The following TPD52L1 variants were observed in gnomAD, a reference collection of about 807,000 sequenced individuals.
TPD52L1 encodes tumor protein D53.
Under a neutral mutation model 28.7 loss-of-function variants are expected in TPD52L1, and 18 were observed. The observed-to-expected ratio is 0.63, with a 90% CI of 0.43 to 0.93. The LOEUF (loss-of-function observed/expected upper bound fraction) is 0.93. Among genes scored for constraint, TPD52L1 ranks in the 40% least tolerant of loss-of-function variants. The pLI is 0.00. For synonymous variants in TPD52L1, 75 were observed against 88.8 expected (o/e 0.84, Z 0.88); for missense variants, 203 against 254.8 (o/e 0.80, Z 1.39).
At chr6:125,181,546 C>T (rs147291684) in intron 1 of TPD52L1, among the ~76,000 whole-genome samples, 161 of 152,322 alleles carry the variant, frequency 1.1e-3, no homozygotes, top group African/African-American at 3.5e-3. Flanking sequence ...ATAAAGAATG[C>T]ATGTGTTTTA....
At chr6:125,256,899 A>G (rs1179104479) in intron 5 of TPD52L1, among the ~76,000 whole-genome samples, 199 bp from the exon 6 acceptor site, 1 of 152,258 alleles carries the variant, frequency 6.6e-6, no homozygotes, top group Non-Finnish European at 1.5e-5. Context: ...ACCTAGAAAA[A>G]TTCCATGTCA....
At chr6:125,169,029 G>A (rs115148317) in intron 1 of TPD52L1, among the ~76,000 whole-genome samples, 2,065 of 151,924 alleles carry the variant, frequency 0.014, 50 homozygotes, top group African/African-American at 0.046. Context: ...CTCTACCCCT[G>A]CTTTCCACCT....
At chr6:125,230,864 G>A (rs1795908160) in intron 3 of TPD52L1, among the ~76,000 whole-genome samples, 1 of 152,110 alleles carries the variant, frequency 6.6e-6, no homozygotes, top group African/African-American at 2.4e-5. Context: ...ATCTCCAGAA[G>A]TTAACCAACA....
At chr6:125,182,191 C>T (rs1468082438) in intron 1 of TPD52L1, among the ~76,000 whole-genome samples, 1 of 152,186 alleles carries the variant, frequency 6.6e-6, no homozygotes, top group Non-Finnish European at 1.5e-5. Context: ...TATTACTTGG[C>T]TGGGCATCAT....
intron 1 of TPD52L1, among the ~76,000 whole-genome samples, chr6:125,167,419 C>G (rs1042786030): frequency 9.2e-5 from 14 of 152,120 alleles, no homozygotes; most frequent in African/African-American, 3.1e-4. Flanking sequence ...TACTGTGTAT[C>G]TGGTGTGGCT....
intron 1 of TPD52L1, among the ~76,000 whole-genome samples, chr6:125,191,969 T>C (rs1413070503): frequency 6.6e-6 from 1 of 152,174 alleles, no homozygotes; most frequent in Non-Finnish European, 1.5e-5. Flanking sequence ...TTGAACAAAA[T>C]TATGAATGAA....
intron 1 of TPD52L1, among the ~76,000 whole-genome samples, chr6:125,171,526 G>A (rs77202477): frequency 2.4e-3 from 358 of 152,264 alleles, no homozygotes; most frequent in African/African-American, 8.0e-3. Flanking sequence ...CTTGTGGGTC[G>A]ATGAAGTAAA....
At chr6:125,199,033 A>G (rs1793625801) in intron 1 of TPD52L1, among the ~76,000 whole-genome samples, 1 of 152,268 alleles carries the variant, frequency 6.6e-6, no homozygotes, top group South Asian at 2.1e-4. Flanking sequence ...ACATATTAAC[A>G]TTATTGACCT....
chr6:125,247,804 A>G (rs2115034952), intron 3 of TPD52L1, among the ~76,000 whole-genome samples: 1 of 152,342 alleles, frequency 6.6e-6, no homozygotes, highest in South Asian at 2.1e-4. Flanking sequence ...AATACTAGAA[A>G]AGTAAGCTAA....
intron 3 of TPD52L1, among the ~76,000 whole-genome samples, chr6:125,235,933 G>A (rs1387512677): frequency 6.6e-6 from 1 of 152,090 alleles, no homozygotes; most frequent in Non-Finnish European, 1.5e-5. Context: ...AAAATGTGGG[G>A]GGAAAATGTG....
chr6:125,163,778 T>C (rs779183566), intron 1 of TPD52L1, among the ~76,000 whole-genome samples: 1 of 148,518 alleles, frequency 6.7e-6, no homozygotes, highest in Non-Finnish European at 1.5e-5. Context: ...ATACAAAAAT[T>C]AGCTGGCGGG....
chr6:125,221,746 G>C (rs975663166), intron 2 of TPD52L1: 1 of 152,110 alleles, frequency 6.6e-6, no homozygotes, highest in African/African-American at 2.4e-5. Flanking sequence ...TGTCTCATTT[G>C]GCCACAGTAA....
intron 1 of TPD52L1, among the ~76,000 whole-genome samples, chr6:125,215,675 T>A (rs1300830955): frequency 6.6e-6 from 1 of 152,132 alleles, no homozygotes; most frequent in Non-Finnish European, 1.5e-5. Flanking sequence ...CTTTGTAAGG[T>A]TTATGCGCTC....
At chr6:125,252,307 G>A (rs1386490838) in intron 4 of TPD52L1, 4 of 394,186 alleles carry the variant, frequency 1.0e-5, no homozygotes, top group African/African-American at 4.1e-5. Flanking sequence ...CATTTCTTCC[G>A]GTGTTGACAG....
At chr6:125,211,224 C>T (rs1351542544) in intron 1 of TPD52L1, among the ~76,000 whole-genome samples, 1 of 151,926 alleles carries the variant, frequency 6.6e-6, no homozygotes, top group Non-Finnish European at 1.5e-5. Flanking sequence ...AATCAAGTTA[C>T]AAAATACTGC....
In TPD52L1 at chr6:125,153,855, C is replaced by A; in HGVS notation, c.-97C>A. On this transcript the variant is annotated 5_prime_UTR_variant, in exon 1 of 7. Transcript: ENST00000534000. ...CACGCGTGCCAGGAGTGGGAGCGAG[C>A]GGCGGGGCCAGCTGCGTTCTGAGCC... 2 of 1,400,264 alleles carry A rather than the reference C, an allele frequency of 1.4e-6. No individual in the cohort carries two copies. The highest frequency in any genetic ancestry group is 1.9e-6 in the Non-Finnish European group (2 of 1,046,972). 86.7% of individuals were successfully genotyped at this position (1,400,264 alleles called of 1,614,324 possible).
chr6:125,213,681 G>A (rs910138363), intron 1 of TPD52L1, among the ~76,000 whole-genome samples: 4 of 152,152 alleles, frequency 2.6e-5, no homozygotes, highest in African/African-American at 9.7e-5. Flanking sequence ...CTGCAGAAGA[G>A]TGAGTTGGAG....
chr6:125,217,771 T>G (rs971285100), intron 1 of TPD52L1, among the ~76,000 whole-genome samples: 1 of 152,218 alleles, frequency 6.6e-6, no homozygotes, highest in Non-Finnish European at 1.5e-5. Context: ...ATTGCTTTGC[T>G]TTTCTTTATA....
chr6:125,167,606 T>G (rs1242516601), intron 1 of TPD52L1, among the ~76,000 whole-genome samples: 2 of 152,190 alleles, frequency 1.3e-5, no homozygotes, highest in African/African-American at 4.8e-5. Context: ...TTACAAATGT[T>G]TCTGAATTTT....
Sources: gnomAD v4.1 joint callset for allele counts (sites outside exome capture counted in the v4.1 genomes callset) on GRCh38, gnomAD v4.1.1 for gene constraint, MANE v1.5 for transcripts, NCBI Gene and HGNC (gene_info 2026-07-23, HGNC 2026-07-21) for gene names.